INPP5B: variants seen among roughly 807,000 people sequenced by gnomAD.
INPP5B encodes the protein type II inositol 1,4,5-trisphosphate 5-phosphatase.
Under a neutral mutation model 118.5 loss-of-function variants are expected in INPP5B, and 90 were observed. The observed-to-expected ratio is 0.76, with a 90% CI of 0.64 to 0.90. The LOEUF (loss-of-function observed/expected upper bound fraction) is 0.90, where lower values mean the gene tolerates loss of function less well. INPP5B is among the 40% of genes least tolerant of loss of function. The probability of loss-of-function intolerance (pLI) is 0.00; values close to 1 mark genes in which losing one functional copy is unlikely to be tolerated. For missense variants in INPP5B, 984 were observed against 1,125.6 expected, an observed-to-expected ratio of 0.87 and a Z score of 1.80; for synonymous variants, 385 against 418.9, an observed-to-expected ratio of 0.92 and a Z score of 0.99.
At chr1:37,873,190 G>C in intron 18 of INPP5B, 25 bp from the exon 19 acceptor site, 1 of 1,548,392 alleles carries the variant, frequency 6.5e-7, no homozygotes, top group Non-Finnish European at 8.9e-7. Flanking sequence ...TAAAAATAAT[G>C]TTGGCCGGGG....
chr1:37,878,074 G>A (rs1391899580), intron 16 of INPP5B, 114 bp downstream of exon 16: 2 of 1,219,528 alleles, frequency 1.6e-6, no homozygotes, highest in African/African-American at 1.5e-5. Flanking sequence ...TGTCCTAAAA[G>A]GGGCTTCTTC....
intron 7 of INPP5B, among the ~76,000 whole-genome samples, chr1:37,927,821 G>A (rs1446863640): frequency 6.6e-6 from 1 of 152,170 alleles, no homozygotes; most frequent in Non-Finnish European, 1.5e-5. Context: ...ACAGGCGTGA[G>A]CCACTGCGCC....
intron 20 of INPP5B, among the ~76,000 whole-genome samples, chr1:37,868,245 G>A (rs551117233): frequency 1.1e-4 from 16 of 151,414 alleles, no homozygotes; most frequent in African/African-American, 2.2e-4. Context: ...CCCAGGAGGC[G>A]GAGGTTGCAG....
intron 7 of INPP5B, among the ~76,000 whole-genome samples, chr1:37,901,529 A>G (rs1044037990): frequency 2.0e-5 from 3 of 152,152 alleles, no homozygotes; most frequent in Non-Finnish European, 4.4e-5. Flanking sequence ...TCATCTCCTA[A>G]GGGCTGACAG....
chr1:37,889,816 C>A (rs904331287), intron 8 of INPP5B, 92 bp from the exon 9 acceptor site: 2 of 925,180 alleles, frequency 2.2e-6, no homozygotes, highest in South Asian at 1.9e-5. Context: ...ATACAAGCAT[C>A]TAAGTCACAG....
Position 37,872,988 on chromosome 1 carries a change from G to T in INPP5B, c.2129C>A (p.Thr710Lys). The change falls in exon 19 of 24, where the codon ACA (threonine) becomes AAA (lysine). Residue 710 changes from threonine to lysine, a missense_variant. Transcript: ENST00000373024. ...LPSCFGSPIHTLCYMREPILD... is the reference protein window; with the variant it reads ...LPSCFGSPIHKLCYMREPILD... ...GATTGGCTCTCTCATGTAACACAGT[G>T]TATGAATGGGAGACCCAAAACAGCT... 2 of 1,614,162 alleles carry T rather than the reference G, an allele frequency of 1.2e-6. No homozygotes were observed. The highest frequency in any genetic ancestry group is 2.2e-5 in the South Asian group (2 of 91,082).
chr1:37,874,716 A>G (rs1053455783), intron 17 of INPP5B, among the ~76,000 whole-genome samples: 6 of 152,180 alleles, frequency 3.9e-5, no homozygotes, highest in African/African-American at 1.4e-4. Flanking sequence ...GAATTGCTTG[A>G]ACCTAGGAGG....
Position 37,884,961 on chromosome 1 carries a change from T to G in INPP5B, c.1319+677A>C, listed in dbSNP as rs944298680. ...CAAGACTCCGTCTCAAAAATAAATA[T>G]ATAAATAAATAAAACTTATACCTTC... On this transcript the variant is annotated intron_variant, in intron 13 of 23. Coordinates refer to ENST00000373024, the MANE Select transcript of INPP5B (RefSeq NM_005540.3). 4 of 151,580 alleles carry G rather than the reference T, an allele frequency of 2.6e-5. No homozygotes were observed. The South Asian group carries it at 6.2e-4, about 24-fold the overall frequency. 9.4% of individuals were successfully genotyped at this position (151,580 alleles called of 1,614,324 possible).
At chr1:37,921,935 G>A (rs1645071272) in intron 7 of INPP5B, among the ~76,000 whole-genome samples, 1 of 152,182 alleles carries the variant, frequency 6.6e-6, no homozygotes, top group Non-Finnish European at 1.5e-5. Flanking sequence ...AGGAGGTTGA[G>A]GCAGGAGAAC....
At chr1:37,883,704 C>CGGCTGCAAGACACTCCCTGCTA in intron 13 of INPP5B, 1 of 985,402 alleles carries the variant, frequency 1.0e-6, no homozygotes, top group Non-Finnish European at 1.2e-6. Flanking sequence ...TGGAAGAGCT[C>CGGCTGCAAGACACTCCCTGCTA]GGCTGCAAGA....
chr1:37,876,552 T>TTAA lies in INPP5B; in HGVS notation c.1678-837_1678-836insTTA, dbSNP rs1194597284. Reference sequence around the variant, plus strand: ...GCAAGACAGCAAGATGCTGTCTCTTTAAAAAAAAAAAAAAAAAAAAAAAAA... The same window carrying TTAA: ...GCAAGACAGCAAGATGCTGTCTCTTTTAAAAAAAAAAAAAAAAAAAAAAAAAAA... On this transcript the variant is annotated intron_variant, in intron 16 of 23. Coordinates refer to ENST00000373024, the MANE Select transcript of INPP5B (RefSeq NM_005540.3). 3.9e-3 allele frequency among the ~76,000 whole-genome samples: 213 copies of TTAA among 54,602 alleles called. 3 individuals carry two copies. Among genetic ancestry groups the TTAA allele is most frequent in the Non-Finnish European group, 4.8e-3 (159 of 33,416 alleles). The allele number at this position is 54,602 out of a possible 152,430, so 35.8% of individuals were successfully genotyped here. A position where few individuals can be genotyped will look rare whatever the true frequency, so the allele number is the denominator to read the frequency against.
Position 37,862,136 on chromosome 1 carries a change from C to A in INPP5B, c.*179G>T, listed in dbSNP as rs931686722. 1 of 522,600 alleles carries A rather than the reference C, an allele frequency of 1.9e-6. No homozygotes were observed. The highest frequency in any genetic ancestry group is 3.5e-5 in the Admixed American group (1 of 28,270). The allele number at this position is 522,600 out of a possible 1,614,324, so 32.4% of individuals were successfully genotyped here. ...TGGTGGATTTTCTCCCGTGTCTTCA[C>A]GACTCACAGCGCTGAGTGTGCTAAC... On this transcript the variant is annotated 3_prime_UTR_variant, in exon 24 of 24. Coordinates refer to ENST00000373024, the MANE Select transcript of INPP5B (RefSeq NM_005540.3).
chr1:37,868,704 G>A (rs1490077731), intron 19 of INPP5B, 90 bp from the exon 20 acceptor site: 3 of 806,116 alleles, frequency 3.7e-6, no homozygotes, highest in Non-Finnish European at 6.5e-6. Flanking sequence ...ACAGAAAAAG[G>A]AAAACATTCC....
chr1:37,918,787 CGAACCTAGCACA>C (rs1161737347), intron 7 of INPP5B, among the ~76,000 whole-genome samples: 1 of 152,174 alleles, frequency 6.6e-6, no homozygotes, highest in Non-Finnish European at 1.5e-5. Flanking sequence ...ACATGGGTCA[CGAACCTAGCACA>C]ATGCCTGGTA....
chr1:37,877,064 T>C (rs1198849437), intron 16 of INPP5B, among the ~76,000 whole-genome samples: 1 of 143,092 alleles, frequency 7.0e-6, no homozygotes, highest in Non-Finnish European at 1.5e-5. Flanking sequence ...CAGTGTCTTT[T>C]GAAAAAAAAC....
Position 37,940,726 on chromosome 1 carries a change from G to C in INPP5B, c.353C>G (p.Thr118Ser). 1 of 1,614,034 alleles carries C rather than the reference G, an allele frequency of 6.2e-7. No individual in the cohort carries two copies. Among genetic ancestry groups the C allele is most frequent in the Non-Finnish European group, 8.5e-7 (1 of 1,179,934 alleles). ...LVFQLPFGSQ[T>S]RMFLHEVARA... is the part of the protein sequence containing the mutation. ...GGCAACTTCGTGGAGGAACATCCTG[G>C]TTTGTGAACCAAAGGGCAGTTGGAA... The change falls in exon 6 of 24, where the codon ACC becomes AGC. Residue 118 changes from threonine to serine, a missense_variant. Physicochemically the swap from Thr to Ser is moderately conservative, Grantham distance 58 (BLOSUM62 1). Around this residue, in one of 2 missense-constraint regions of INPP5B, gnomAD observed 350 missense variants for 334.6 expected, o/e 1.05. Coordinates refer to ENST00000373024, the MANE Select transcript of INPP5B (RefSeq NM_005540.3).
chr1:37,935,304 G>A (rs1439465423), intron 6 of INPP5B, among the ~76,000 whole-genome samples: 1 of 148,838 alleles, frequency 6.7e-6, no homozygotes, highest in East Asian at 2.2e-4. Context: ...CGATTCTCCC[G>A]CCTCAGCCTC....
rs762905083 is a variant in INPP5B at position 37,873,100 on chromosome 1, C to T, written c.2017G>A (p.Gly673Ser). The change falls in exon 19 of 24, where the codon GGT (glycine) becomes AGT (serine). Residue 673 changes from glycine (G) to serine (S), a missense_variant. By Grantham distance (56) the Gly-to-Ser change is moderately conservative (BLOSUM62 0). This residue lies in a region of INPP5B where 634 missense variants were observed against 791.0 expected (regional missense o/e 0.80). Coordinates refer to ENST00000373024, the MANE Select transcript of INPP5B (RefSeq NM_005540.3). ...AGAATGTCCTCAATTTTGTCTTCAC[C>T]CGAGTTGAGCTTTGTAGCTGTCATC... ...NKMTATKLNS[G>S]EDKIEDILVL... 13 of 1,614,128 alleles carry T rather than the reference C, an allele frequency of 8.1e-6. No individual in the cohort carries two copies. Among genetic ancestry groups the T allele is most frequent in the Non-Finnish European group, 9.3e-6 (11 of 1,180,024 alleles).
intron 7 of INPP5B, among the ~76,000 whole-genome samples, chr1:37,897,538 T>A (rs1206389625): frequency 2.0e-5 from 3 of 150,552 alleles, no homozygotes; most frequent in African/African-American, 7.3e-5. Flanking sequence ...GAAGGCAGCA[T>A]GCTCCTTAAG....
Sources: allele counts gnomAD v4.1 joint callset (sites outside exome capture counted in the v4.1 genomes callset), GRCh38; gene constraint gnomAD v4.1.1; regional missense constraint gnomAD v4.1.1; transcripts MANE v1.5; gene names NCBI Gene and HGNC (gene_info 2026-07-23, HGNC 2026-07-21).